IL6R: variants seen among roughly 807,000 people sequenced by gnomAD.
IL6R encodes interleukin 6 receptor, also known as interleukin-6 receptor subunit alpha.
Under a neutral mutation model 48.3 loss-of-function variants are expected in IL6R, and 38 were observed. That is an observed-to-expected ratio of 0.79 (90% confidence interval 0.61 to 1.03). The LOEUF (loss-of-function observed/expected upper bound fraction) is 1.03, where lower values mean the gene tolerates loss of function less well. Among genes scored for constraint, IL6R ranks in the 50% least tolerant of loss-of-function variants. The pLI is 0.00. For missense variants in IL6R, 534 were observed against 618.3 expected (o/e 0.86, Z 1.45); for synonymous variants, 264 against 256.2 (o/e 1.03, Z -0.29).
At chr1:154,409,181 T>C (rs1687891668) in intron 1 of IL6R, among the ~76,000 whole-genome samples, 1 of 152,220 alleles carries the variant, frequency 6.6e-6, no homozygotes, top group Non-Finnish European at 1.5e-5. Flanking sequence ...AGTTTCTTAG[T>C]TGCACTAGTC....
intron 1 of IL6R, among the ~76,000 whole-genome samples, chr1:154,411,675 C>G (rs1044941669): frequency 1.3e-5 from 2 of 152,120 alleles, no homozygotes; most frequent in African/African-American, 4.8e-5. Context: ...GCTAGGGGAC[C>G]TTTGGGCAAG....
At chr1:154,457,322 C>CAAAAA (rs60033332) in intron 9 of IL6R, among the ~76,000 whole-genome samples, 98 of 77,980 alleles carry the variant, frequency 1.3e-3, no homozygotes, top group African/African-American at 1.6e-3. Flanking sequence ...GACTCCGTCT[C>CAAAAA]AAAAAAAAAA....
At position 154,435,155 on chromosome 1, in the gene IL6R, T is replaced by C. The variant is rs762041836; in HGVS notation, c.806T>C (p.Met269Thr). 6.2e-7 allele frequency: 1 copy of C among 1,613,862 alleles called. No homozygotes were observed. Among genetic ancestry groups the C allele is most frequent in the South Asian group, 1.1e-5 (1 of 91,078 alleles). ...CGGTCAAAGACATTCACAACATGGATGGTAAATTTATGTTTTACTTCTGGT... is the reference window on the plus strand; with the variant it reads ...CGGTCAAAGACATTCACAACATGGACGGTAAATTTATGTTTTACTTCTGGT... ...AERSKTFTTWMVKDLQHHCVI... is the reference protein window; with the variant it reads ...AERSKTFTTWTVKDLQHHCVI... Residue 269 changes from methionine to threonine, a missense_variant and splice_region_variant, in exon 5 of 10, where the codon ATG becomes ACG. Met to Thr is a moderately conservative substitution (Grantham distance 81). Transcript: ENST00000368485.
At chr1:154,444,662 C>T (rs113127349) in intron 6 of IL6R, among the ~76,000 whole-genome samples, 3,666 of 152,206 alleles carry the variant, frequency 0.024, 144 homozygotes, top group African/African-American at 0.083. Context: ...CTTTACGAGG[C>T]TGATGGGGGA....
intron 1 of IL6R, among the ~76,000 whole-genome samples, chr1:154,426,647 G>T (rs965838573): frequency 6.6e-6 from 1 of 152,116 alleles, no homozygotes; most frequent in Non-Finnish European, 1.5e-5. Context: ...GGTAGTGAAA[G>T]TTAGGTTGGT....
At position 154,429,255 on chromosome 1, in the gene IL6R, G is replaced by A; in HGVS notation, c.145G>A (p.Gly49Arg). The A allele has an allele frequency of 1.2e-6, 2 of 1,614,140 alleles. No individual in the cohort carries two copies. Among genetic ancestry groups the A allele is most frequent in the Non-Finnish European group, 1.7e-6 (2 of 1,180,014 alleles). The change falls in exon 2 of 10, where the codon GGG (glycine) becomes AGG (arginine). Residue 49 changes from glycine to arginine, a missense_variant. Coordinates refer to ENST00000368485, the MANE Select transcript of IL6R (RefSeq NM_000565.4). ...AGACAGCGTGACTCTGACCTGCCCGGGGGTAGAGCCGGAAGACAATGCCAC... is the reference window on the plus strand; with the variant it reads ...AGACAGCGTGACTCTGACCTGCCCGAGGGTAGAGCCGGAAGACAATGCCAC... ...PGDSVTLTCPGVEPEDNATVH... is the reference protein window; with the variant it reads ...PGDSVTLTCPRVEPEDNATVH...
At position 154,454,504 on chromosome 1, in the gene IL6R, A is replaced by T. The variant is rs749846896; in HGVS notation, c.1083A>T (p.Ser361=). The change falls in exon 9 of 10, where the codon TCA becomes TCT. Residue 361 remains serine, a synonymous_variant. Transcript: ENST00000368485. ...TTAACCTAGTGCAAGATTCTTCTTC[A>T]GTACCACTGCCCACATTCCTGGTTG... ...ATSLPVQDSS[S]VPLPTFLVAG... 9 of 1,612,154 alleles carry T rather than the reference A, an allele frequency of 5.6e-6. No individual in the cohort carries two copies. Among genetic ancestry groups the T allele is most frequent in the Non-Finnish European group, 7.6e-6 (9 of 1,178,508 alleles).
intron 1 of IL6R, among the ~76,000 whole-genome samples, chr1:154,409,088 T>C (rs904908540): frequency 3.9e-5 from 6 of 152,172 alleles, no homozygotes; most frequent in African/African-American, 1.4e-4. Context: ...CATGGAGCCA[T>C]GTTTGCACTA....
chr1:154,435,283 G>A, intron 5 of IL6R, 127 bp downstream of exon 5: 1 of 802,658 alleles, frequency 1.2e-6, no homozygotes, highest in Non-Finnish European at 2.0e-6. Context: ...GCCAAGGTGG[G>A]CGAATCACTT....
chr1:154,434,890 C>G (rs765025818), intron 4 of IL6R, 100 bp from the exon 5 acceptor site: 2 of 1,341,134 alleles, frequency 1.5e-6, no homozygotes, highest in Admixed American at 2.0e-5. Flanking sequence ...GGGGAGTGAA[C>G]GGGGCTGGGT....
At chr1:154,432,451 G>A (rs1287448272) in intron 3 of IL6R, among the ~76,000 whole-genome samples, 1 of 150,252 alleles carries the variant, frequency 6.7e-6, no homozygotes, top group Non-Finnish European at 1.5e-5. Context: ...TCCGCCTCCC[G>A]GGCTCAAGCG....
At chr1:154,449,146 C>G (rs369330314) in intron 7 of IL6R, among the ~76,000 whole-genome samples, 1 of 145,420 alleles carries the variant, frequency 6.9e-6, no homozygotes, top group Non-Finnish European at 1.5e-5. Context: ...CCACCCGCCT[C>G]GGCCTCCCAA....
rs150065294 is a variant in IL6R at position 154,409,408 on chromosome 1, T to C, written c.85+3694T>C. Among the ~76,000 whole-genome samples the C allele has an allele frequency of 3.9e-3, 594 of 152,286 alleles. 5 individuals are homozygous for C. The highest frequency in any genetic ancestry group is 6.0e-3 in the Non-Finnish European group (408 of 68,030). ...CAGCTCATTTTGCATAGGTGATGGC[T>C]AAGGTCTTCAAGCCAGGCACATCTC... is the stretch of plus-strand genomic sequence containing the variant. On this transcript the variant is annotated intron_variant, in intron 1 of 9. Coordinates refer to ENST00000368485, the MANE Select transcript of IL6R (RefSeq NM_000565.4).
intron 8 of IL6R, among the ~76,000 whole-genome samples, chr1:154,451,923 A>G (rs1250303394): frequency 6.6e-6 from 1 of 152,048 alleles, no homozygotes; most frequent in Non-Finnish European, 1.5e-5. Context: ...CATCTTCCCT[A>G]TCTCAGTAAC....
intron 1 of IL6R, chr1:154,406,630 C>T (rs759300313): frequency 1.3e-5 from 2 of 152,254 alleles, no homozygotes; most frequent in Admixed American, 6.6e-5. Flanking sequence ...GCTTCTGGAA[C>T]AGCTGACAGG....
At chr1:154,456,308 C>A (rs900504556) in intron 9 of IL6R, among the ~76,000 whole-genome samples, 11 of 150,698 alleles carry the variant, frequency 7.3e-5, no homozygotes, top group Non-Finnish European at 1.6e-4. Context: ...CGGGTTCAAG[C>A]GATTCTTGTG....
At chr1:154,458,880 A>G (rs977301700) in intron 9 of IL6R, among the ~76,000 whole-genome samples, 1 of 150,124 alleles carries the variant, frequency 6.7e-6, no homozygotes, top group African/African-American at 2.5e-5. Context: ...CAGCCTGGGC[A>G]GCAGAAGGAG....
chr1:154,465,056 G>T (rs1449192610), intron 9 of IL6R, 78 bp from the exon 10 acceptor site: 13 of 1,574,766 alleles, frequency 8.3e-6, no homozygotes, highest in Non-Finnish European at 1.1e-5. Flanking sequence ...GCAGCCAGCT[G>T]TTGGTGTTTT....
intron 9 of IL6R, among the ~76,000 whole-genome samples, chr1:154,460,706 C>T (rs944138961): frequency 4.6e-5 from 7 of 152,204 alleles, no homozygotes; most frequent in African/African-American, 1.4e-4. Context: ...ATGAGATGCA[C>T]GTGGCAAGTC....
Sources: gnomAD v4.1 joint callset for allele counts (sites outside exome capture counted in the v4.1 genomes callset) on GRCh38, gnomAD v4.1.1 for gene constraint, MANE v1.5 for transcripts, NCBI Gene and HGNC (gene_info 2026-07-23, HGNC 2026-07-21) for gene names.